Variants in ESRRG observed in about 807,000 individuals in gnomAD.
ESRRG encodes the protein estrogen-related receptor gamma.
Under a neutral mutation model 44.0 loss-of-function variants are expected in ESRRG, and 13 were observed. The observed-to-expected ratio is 0.30, with a 90% CI of 0.19 to 0.47. ESRRG has a LOEUF of 0.47. ESRRG is among the 20% of genes least tolerant of loss of function. ESRRG has a pLI of 1.00. For missense variants in ESRRG, 395 were observed against 580.6 expected (o/e 0.68, Z 3.29); for synonymous variants, 215 against 214.6 (o/e 1.00, Z -0.02).
At chr1:217,086,173 A>G (rs1456708859) in intron 1 of ESRRG, among the ~76,000 whole-genome samples, 1 of 152,202 alleles carries the variant, frequency 6.6e-6, no homozygotes, top group African/African-American at 2.4e-5. Context: ...CCGTGGTTCA[A>G]TTGAAAGATT....
chr1:216,765,756 C>T (rs926967900), intron 2 of ESRRG, among the ~76,000 whole-genome samples: 3 of 152,044 alleles, frequency 2.0e-5, no homozygotes, highest in African/African-American at 7.2e-5. Context: ...CTTGGAGTTG[C>T]TTTTTTTCCT....
intron 3 of ESRRG, among the ~76,000 whole-genome samples, chr1:216,604,526 T>C (rs1031980734): frequency 6.6e-6 from 1 of 152,132 alleles, no homozygotes; most frequent in Non-Finnish European, 1.5e-5. Flanking sequence ...GTGTCCTGAA[T>C]CCCAGCCCCC....
intron 2 of ESRRG, among the ~76,000 whole-genome samples, chr1:216,792,870 T>C (rs148872519): frequency 5.1e-4 from 77 of 152,290 alleles, no homozygotes; most frequent in Middle Eastern, 3.4e-3. Context: ...TTTCATGCTG[T>C]TCCCATTTCC....
intron 2 of ESRRG, among the ~76,000 whole-genome samples, chr1:216,814,896 T>C (rs1203616305): frequency 2.0e-5 from 3 of 152,228 alleles, no homozygotes; most frequent in Non-Finnish European, 4.4e-5. Context: ...GAGATACTGA[T>C]TGAAAACAGA....
At chr1:216,877,379 GTT>G (rs72314566) in intron 2 of ESRRG, among the ~76,000 whole-genome samples, 10,416 of 141,060 alleles carry the variant, frequency 0.074, 1,137 homozygotes, top group African/African-American at 0.23. Flanking sequence ...TAGGTATGGT[GTT>G]TTTTTTTGTT....
At chr1:216,905,724 C>T (rs2059609631) in intron 2 of ESRRG, among the ~76,000 whole-genome samples, 1 of 152,048 alleles carries the variant, frequency 6.6e-6, no homozygotes. Context: ...TACTAATATA[C>T]CTGTTAAATA....
chr1:216,538,970 T>C (rs1314933985), intron 5 of ESRRG, among the ~76,000 whole-genome samples: 3 of 152,062 alleles, frequency 2.0e-5, no homozygotes, highest in Non-Finnish European at 4.4e-5. Context: ...GTCATGTCAA[T>C]TAACAATTAC....
chr1:216,710,209 A>G (rs2083317247), intron 1 of ESRRG, among the ~76,000 whole-genome samples: 1 of 152,168 alleles, frequency 6.6e-6, no homozygotes, highest in Admixed American at 6.5e-5. Flanking sequence ...TTCAGTGTTA[A>G]TCCTGTTTTA....
intron 2 of ESRRG, among the ~76,000 whole-genome samples, chr1:216,812,187 A>T (rs566751886): frequency 7.2e-4 from 110 of 152,296 alleles, no homozygotes; most frequent in Middle Eastern, 3.4e-3. Flanking sequence ...AAAGAGTCAA[A>T]CATATGCTTA....
chr1:216,899,701 CG>C (rs1217784012), intron 2 of ESRRG, among the ~76,000 whole-genome samples: 1 of 152,140 alleles, frequency 6.6e-6, no homozygotes, highest in African/African-American at 2.4e-5. Context: ...AGATCTCACA[CG>C]GCACATACAG....
chr1:216,640,786 C>T (rs867376842), intron 3 of ESRRG, among the ~76,000 whole-genome samples: 3 of 152,114 alleles, frequency 2.0e-5, no homozygotes, highest in Admixed American at 1.3e-4. Context: ...ACAATGTCAT[C>T]ATCATCAATG....
intron 6 of ESRRG, among the ~76,000 whole-genome samples, chr1:216,515,417 G>C (rs2818961): frequency 0.49 from 74,183 of 151,778 alleles, 19,359 homozygotes; most frequent in Non-Finnish European, 0.61. Flanking sequence ...ACCTATATGA[G>C]AGTCCAAATA....
intron 1 of ESRRG, among the ~76,000 whole-genome samples, chr1:216,698,468 G>C (rs1390614777): frequency 7.1e-6 from 1 of 140,810 alleles, no homozygotes; most frequent in African/African-American, 2.6e-5. Flanking sequence ...GCAGTGAGCC[G>C]AGATCACGCC....
At chr1:216,961,708 A>T (rs1019208361) in intron 1 of ESRRG, among the ~76,000 whole-genome samples, 1 of 152,110 alleles carries the variant, frequency 6.6e-6, no homozygotes, top group Non-Finnish European at 1.5e-5. Context: ...AAGGCTACTA[A>T]CTATAGGTGG....
In ESRRG at chr1:216,973,511, C is replaced by T. The variant is rs568864443; in HGVS notation, c.-105-33838G>A. The stretch of plus-strand genomic sequence containing the variant: ...CAGGGCCCAGAAGCAGTGCTGGACC[C>T]ATATGCAGATGTTAAAGGATGGCTT... On this transcript the variant is annotated intron_variant, in intron 1 of 7. Transcript: ENST00000359162. 3.3e-5 allele frequency among the ~76,000 whole-genome samples: 5 copies of T among 152,290 alleles called. No individual in the cohort carries two copies. In the South Asian group the frequency reaches 8.3e-4, roughly 25 times the overall value.
At chr1:216,651,113 G>A (rs1159528899) in intron 2 of ESRRG, 24 bp from the exon 3 acceptor site, 4 of 1,425,838 alleles carry the variant, frequency 2.8e-6, no homozygotes, top group South Asian at 1.1e-5. Flanking sequence ...TTGAAGAAAA[G>A]TTGTCATATT....
At chr1:216,712,934 G>A (rs2789717) in intron 1 of ESRRG, among the ~76,000 whole-genome samples, 66,600 of 151,970 alleles carry the variant, frequency 0.44, 14,848 homozygotes, top group South Asian at 0.57. Context: ...ATATTTTAAG[G>A]AACTAGTACT....
intron 1 of ESRRG, among the ~76,000 whole-genome samples, chr1:217,062,758 C>T (rs2088820756): frequency 6.6e-6 from 1 of 152,154 alleles, no homozygotes. Context: ...ACGAATACCT[C>T]CCTTCAGTCT....
intron 3 of ESRRG, among the ~76,000 whole-genome samples, chr1:216,570,791 G>C (rs1436270710): frequency 6.6e-6 from 1 of 152,148 alleles, no homozygotes; most frequent in Admixed American, 6.6e-5. Flanking sequence ...CACTAAAATT[G>C]TTAGAGCCAA....
Sources: gnomAD v4.1 joint callset for allele counts (sites outside exome capture counted in the v4.1 genomes callset) on GRCh38, gnomAD v4.1.1 for gene constraint, MANE v1.5 for transcripts, NCBI Gene and HGNC (gene_info 2026-07-23, HGNC 2026-07-21) for gene names.